The following RASAL2 variants were observed in gnomAD, a reference collection of about 807,000 sequenced individuals.
RASAL2 encodes the protein ras GTPase-activating protein nGAP.
A neutral mutation model predicts 128.9 loss-of-function variants in RASAL2; 58 were observed. The observed-to-expected ratio is 0.45, with a 90% confidence interval of 0.36 to 0.56. The LOEUF (loss-of-function observed/expected upper bound fraction) is 0.56, where lower values mean the gene tolerates loss of function less well. Ranked by LOEUF, RASAL2 falls within the 20% of genes least tolerant of loss-of-function variation. The pLI is 0.00. For synonymous variants in RASAL2, 561 were observed against 580.8 expected, an observed-to-expected ratio of 0.97 and a Z score of 0.49; for missense variants, 1,360 against 1,601.6, an observed-to-expected ratio of 0.85 and a Z score of 2.57.
At chr1:178,342,001 G>A (rs1314473644) in intron 3 of RASAL2, among the ~76,000 whole-genome samples, 1 of 152,136 alleles carries the variant, frequency 6.6e-6, no homozygotes, top group East Asian at 1.9e-4. Context: ...GAGTGAGACA[G>A]AATATATTGA....
At chr1:178,472,354 G>A (rs750131855) in intron 17 of RASAL2, among the ~76,000 whole-genome samples, 7 of 151,896 alleles carry the variant, frequency 4.6e-5, no homozygotes, top group East Asian at 1.9e-4. Context: ...AGCAATCTCC[G>A]TATTGGGCAG....
chr1:178,461,735 C>G (rs889536153), intron 14 of RASAL2, among the ~76,000 whole-genome samples: 5 of 152,190 alleles, frequency 3.3e-5, no homozygotes, highest in African/African-American at 1.2e-4. Context: ...TTCAAGAACT[C>G]CCAAAGTTTG....
Position 178,299,688 on chromosome 1 carries a change from G to A in RASAL2, c.331-304G>A, listed in dbSNP as rs1667677646. 2.6e-5 allele frequency among the ~76,000 whole-genome samples: 4 copies of A among 152,002 alleles called. No homozygotes were observed. The South Asian group carries it at 8.3e-4, about 32-fold the overall frequency. ...AATTTTTGTATTTTTGTAGAAACAG[G>A]GTTTCACCATGTTGGCCAGGATGAT... On this transcript the variant is annotated intron_variant, in intron 2 of 17. Transcript: ENST00000367649.
chr1:178,379,984 C>G (rs183293618), intron 3 of RASAL2, among the ~76,000 whole-genome samples: 5 of 152,186 alleles, frequency 3.3e-5, no homozygotes, highest in South Asian at 2.1e-4. Flanking sequence ...CCTTGCCTCC[C>G]AGCCTCAGCG....
chr1:178,126,961 C>T (rs1659925120), intron 1 of RASAL2, among the ~76,000 whole-genome samples: 1 of 152,156 alleles, frequency 6.6e-6, no homozygotes, highest in African/African-American at 2.4e-5. Context: ...GAAGCAAACA[C>T]CCACTTATAG....
chr1:178,334,496 G>A (rs908259297), intron 3 of RASAL2, among the ~76,000 whole-genome samples: 1 of 151,434 alleles, frequency 6.6e-6, no homozygotes, highest in Non-Finnish European at 1.5e-5. Context: ...GCGCCACCAC[G>A]CCTTGCTAAT....
intron 3 of RASAL2, among the ~76,000 whole-genome samples, chr1:178,326,378 A>G (rs1669040835): frequency 2.0e-5 from 3 of 152,184 alleles, no homozygotes. Context: ...GTGGATTTTC[A>G]AAAGAAATGT....
intron 4 of RASAL2, among the ~76,000 whole-genome samples, chr1:178,394,367 C>T (rs151001347): frequency 5.3e-4 from 80 of 152,170 alleles, no homozygotes; most frequent in African/African-American, 1.9e-3. Flanking sequence ...GAAAAGTTAT[C>T]CAGGTACATA....
chr1:178,282,598 T>C (rs930078035), intron 1 of RASAL2, among the ~76,000 whole-genome samples: 7 of 152,336 alleles, frequency 4.6e-5, no homozygotes, highest in Non-Finnish European at 8.8e-5. Context: ...TAATGTACTT[T>C]TTTATGATTT....
chr1:178,376,890 G>T (rs972264201), intron 3 of RASAL2, among the ~76,000 whole-genome samples: 1 of 152,074 alleles, frequency 6.6e-6, no homozygotes, highest in South Asian at 2.1e-4. Flanking sequence ...GTCAGATCCA[G>T]CTTTTTTTCC....
chr1:178,468,785 T>C (rs1647982714), intron 17 of RASAL2, among the ~76,000 whole-genome samples: 1 of 152,152 alleles, frequency 6.6e-6, no homozygotes, highest in African/African-American at 2.4e-5. Flanking sequence ...CTAGGCCATC[T>C]CACTATTCAC....
At position 178,385,297 on chromosome 1, in the gene RASAL2, C is replaced by T. The variant is rs568149877; in HGVS notation, c.458-4803C>T. 3.3e-5 allele frequency among the ~76,000 whole-genome samples: 5 copies of T among 152,024 alleles called. No individual in the cohort carries two copies. In the South Asian group the frequency reaches 6.3e-4, roughly 19 times the overall value. ...GTGAAATACCCTTTCTAGAAACAGG[C>T]ATGGTGGCACACACTTATAGTCCCA... is the stretch of plus-strand genomic sequence containing the variant. On this transcript the variant is annotated intron_variant, in intron 3 of 17. Transcript: ENST00000367649.
At chr1:178,293,566 T>C (rs1667373004) in intron 2 of RASAL2, among the ~76,000 whole-genome samples, 1 of 152,182 alleles carries the variant, frequency 6.6e-6, no homozygotes, top group African/African-American at 2.4e-5. Context: ...TTTCTCCCTA[T>C]TAAGAGGCTC....
chr1:178,457,531 A>G (rs886340609), intron 13 of RASAL2, 152 bp from the exon 14 acceptor site: 2 of 824,566 alleles, frequency 2.4e-6, no homozygotes, highest in Non-Finnish European at 3.8e-6. Flanking sequence ...TAAGCATTGT[A>G]ATAATTCCCT....
Position 178,358,560 on chromosome 1 carries a change from T to C in RASAL2, c.458-31540T>C, listed in dbSNP as rs151102480. 8.6e-4 allele frequency among the ~76,000 whole-genome samples: 131 copies of C among 152,276 alleles called. 1 individual carries two copies. Among genetic ancestry groups the C allele is most frequent in the African/African-American group, 2.9e-3 (121 of 41,558 alleles). ...CATAACATATATACCCATAGACTTA[T>C]GAAAAATGTTCGGTATTACTGGTAG... On this transcript the variant is annotated intron_variant, in intron 3 of 17. Coordinates refer to ENST00000367649, the MANE Select transcript of RASAL2 (RefSeq NM_170692.4).
Position 178,317,485 on chromosome 1 carries a change from A to C in RASAL2, c.457+17367A>C, listed in dbSNP as rs1005640535. On this transcript the variant is annotated intron_variant, in intron 3 of 17. Coordinates refer to ENST00000367649, the MANE Select transcript of RASAL2 (RefSeq NM_170692.4). ...CAATTTCAGCTCCTGTTATTGGTCT[A>C]TTCAGAGATTCAACTTCTTTCTGGT... 7.8e-4 allele frequency among the ~76,000 whole-genome samples: 117 copies of C among 150,110 alleles called. 1 individual carries two copies. The East Asian group carries it at 0.017, about 22-fold the overall frequency.
intron 1 of RASAL2, among the ~76,000 whole-genome samples, chr1:178,165,584 A>G (rs531244419): frequency 1.3e-5 from 2 of 152,284 alleles, no homozygotes; most frequent in South Asian, 2.1e-4. Context: ...GACTGTACAC[A>G]TACATGTACA....
intron 1 of RASAL2, among the ~76,000 whole-genome samples, chr1:178,280,066 C>A (rs1377256732): frequency 6.6e-6 from 1 of 152,066 alleles, no homozygotes; most frequent in Non-Finnish European, 1.5e-5. Context: ...ACGAAAAGTT[C>A]ATTGATTTGG....
rs1372406775 is a variant in RASAL2, at chr1:178,266,663, C to T, written c.203-16901C>T. ...GTACAGAGACAGAGGGAGGGGGCCT[C>T]CAAAGCTGAGAGGAGACCTCAAGTG... is the stretch of plus-strand genomic sequence containing the variant. On this transcript the variant is annotated intron_variant, in intron 1 of 17. Coordinates refer to ENST00000367649, the MANE Select transcript of RASAL2 (RefSeq NM_170692.4). Among the ~76,000 whole-genome samples the T allele has an allele frequency of 2.6e-5, 4 of 152,100 alleles. 1 individual carries two copies. In the East Asian group the frequency reaches 7.7e-4, roughly 29 times the overall value.
Sources: allele counts gnomAD v4.1 joint callset (sites outside exome capture counted in the v4.1 genomes callset), GRCh38; gene constraint gnomAD v4.1.1; transcripts MANE v1.5; gene names NCBI Gene and HGNC (gene_info 2026-07-23, HGNC 2026-07-21).